The following AFG2A variants were observed in gnomAD, a reference collection of about 807,000 sequenced individuals.
AFG2A encodes the protein AAA ATPase AFG2A.
At chr4:123,033,387 T>A in the AFG2A span, among the ~76,000 whole-genome samples, 182 of 152,330 alleles carry the variant, frequency 1.2e-3, no homozygotes, top group African/African-American at 4.0e-3. Flanking sequence ...CAATGGCTTT[T>A]TTCATTAATT....
At chr4:123,067,367 A>AT in the AFG2A span, among the ~76,000 whole-genome samples, 1 of 152,022 alleles carries the variant, frequency 6.6e-6, no homozygotes, top group Non-Finnish European at 1.5e-5. Flanking sequence ...AATACAAAAA[A>AT]TTAGCTTGGC....
chr4:123,236,541 T>G, the AFG2A span, among the ~76,000 whole-genome samples: 1 of 152,332 alleles, frequency 6.6e-6, no homozygotes, highest in South Asian at 2.1e-4. Flanking sequence ...AGATATATTG[T>G]CTTACATTCT....
the AFG2A span, among the ~76,000 whole-genome samples, chr4:122,949,544 T>C: frequency 1.3e-5 from 2 of 152,132 alleles, no homozygotes; most frequent in Non-Finnish European, 2.9e-5. Flanking sequence ...GAGATAACCA[T>C]CTGCACCCAG....
the AFG2A span, among the ~76,000 whole-genome samples, chr4:122,942,612 G>T: frequency 6.6e-6 from 1 of 152,054 alleles, no homozygotes; most frequent in African/African-American, 2.4e-5. Context: ...GTTTTGAAGG[G>T]TTTTTTTATG....
chr4:123,056,460 G>T, the AFG2A span: 3 of 1,609,090 alleles, frequency 1.9e-6, no homozygotes, highest in Non-Finnish European at 2.5e-6. Flanking sequence ...TGTGCCTTTA[G>T]TGGCACTCAG....
At chr4:123,020,057 G>GTTTTGT in the AFG2A span, among the ~76,000 whole-genome samples, 2 of 152,008 alleles carry the variant, frequency 1.3e-5, no homozygotes, top group Admixed American at 6.6e-5. Context: ...TTTTTGTTTA[G>GTTTTGT]TTTTGTTTTT....
chr4:123,211,024 G>A, the AFG2A span, among the ~76,000 whole-genome samples: 1 of 152,064 alleles, frequency 6.6e-6, no homozygotes, highest in Non-Finnish European at 1.5e-5. Context: ...ATAAATAGAG[G>A]TAGATTAAAA....
chr4:123,040,832 CTG>C, the AFG2A span, among the ~76,000 whole-genome samples: 1 of 152,044 alleles, frequency 6.6e-6, no homozygotes, highest in East Asian at 1.9e-4. Context: ...TGAAGTCACT[CTG>C]TAGTATCTTA....
chr4:123,009,967 A>C, the AFG2A span, among the ~76,000 whole-genome samples: 2 of 152,110 alleles, frequency 1.3e-5, no homozygotes, highest in African/African-American at 4.8e-5. Context: ...CCTTCTTTGC[A>C]GTGGTGTCAA....
the AFG2A span, among the ~76,000 whole-genome samples, chr4:122,939,959 A>T: frequency 6.6e-6 from 1 of 152,104 alleles, no homozygotes; most frequent in East Asian, 1.9e-4. Context: ...AAGGACATGA[A>T]CTCATCATTT....
the AFG2A span, among the ~76,000 whole-genome samples, chr4:123,120,727 T>C: frequency 6.6e-6 from 1 of 152,180 alleles, no homozygotes; most frequent in Non-Finnish European, 1.5e-5. Flanking sequence ...GCATTACTCT[T>C]GTGGCAATGC....
chr4:123,211,873 A>C, the AFG2A span, among the ~76,000 whole-genome samples: 1 of 152,148 alleles, frequency 6.6e-6, no homozygotes, highest in Non-Finnish European at 1.5e-5. Context: ...GATTACAAAC[A>C]AGCAAGAAAG....
At chr4:123,257,344 T>TACACAATACAC in the AFG2A span, among the ~76,000 whole-genome samples, 1 of 152,164 alleles carries the variant, frequency 6.6e-6, no homozygotes, top group Non-Finnish European at 1.5e-5. Context: ...CAACTTACAA[T>TACACAATACAC]ACAGCTACAT....
chr4:123,043,072 A>G, the AFG2A span, among the ~76,000 whole-genome samples: 2 of 152,196 alleles, frequency 1.3e-5, no homozygotes, highest in South Asian at 4.1e-4. Context: ...GAGATCTACT[A>G]GTGACATATC....
At chr4:122,997,616 T>C in the AFG2A span, among the ~76,000 whole-genome samples, 1 of 152,328 alleles carries the variant, frequency 6.6e-6, no homozygotes, top group South Asian at 2.1e-4. Flanking sequence ...GTACAAGTTT[T>C]CGTGTGAATA....
At chr4:123,004,122 A>T in the AFG2A span, among the ~76,000 whole-genome samples, 6 of 152,186 alleles carry the variant, frequency 3.9e-5, no homozygotes, top group African/African-American at 1.4e-4. Context: ...CAGGTGCAGG[A>T]TGTAATCTCC....
At chr4:123,212,796 A>G in the AFG2A span, among the ~76,000 whole-genome samples, 1 of 152,148 alleles carries the variant, frequency 6.6e-6, no homozygotes, top group Admixed American at 6.6e-5. Flanking sequence ...GCTTCAAATC[A>G]AACTGCACTT....
chr4:123,085,917 C>T, the AFG2A span, among the ~76,000 whole-genome samples: 1 of 151,728 alleles, frequency 6.6e-6, no homozygotes, highest in African/African-American at 2.4e-5. Flanking sequence ...TATATTTCTA[C>T]TTTCAAATAG....
the AFG2A span, among the ~76,000 whole-genome samples, chr4:123,304,027 C>CT: frequency 6.6e-6 from 1 of 151,978 alleles, no homozygotes; most frequent in African/African-American, 2.4e-5. Context: ...CTCTGAAATA[C>CT]TACTCTACTC....
Sources: gnomAD v4.1 joint callset for allele counts (sites outside exome capture counted in the v4.1 genomes callset) on GRCh38, gnomAD v4.1.1 for gene constraint, MANE v1.5 for transcripts, NCBI Gene and HGNC (gene_info 2026-07-23, HGNC 2026-07-21) for gene names.